The following FBXL7 variants were observed in gnomAD, a reference collection of about 807,000 sequenced individuals.
FBXL7 encodes F-box and leucine rich repeat protein 7.
In FBXL7, 12 loss-of-function variants were observed where a neutral mutation model predicts 38.3. That is an observed-to-expected ratio of 0.31 (90% CI 0.20 to 0.51). The LOEUF (loss-of-function observed/expected upper bound fraction) is 0.51, where lower values mean the gene tolerates loss of function less well. Among genes scored for constraint, FBXL7 ranks in the 20% least tolerant of loss-of-function variants. The pLI, the probability that FBXL7 is intolerant of heterozygous loss-of-function variation, is 0.98. For missense variants in FBXL7, 567 were observed against 676.4 expected, an observed-to-expected ratio of 0.84 and a Z score of 1.79; for synonymous variants, 297 against 300.9, an observed-to-expected ratio of 0.99 and a Z score of 0.13.
rs148460601 is a variant in FBXL7, at chr5:15,537,317, C to T, written c.37+36604C>T. On this transcript the variant is annotated intron_variant, in intron 1 of 3. Transcript: ENST00000504595. ...CATCTGTATATCTTCTTTGGAGGAG[C>T]AGCATTTTTAAGAAGAAGTTTTTGA... is the stretch of plus-strand genomic sequence containing the variant. Among the ~76,000 whole-genome samples, 23 of 152,162 alleles carry T rather than the reference C, an allele frequency of 1.5e-4. 1 individual carries two copies. In the East Asian group the frequency reaches 2.5e-3, roughly 17 times the overall value.
At chr5:15,663,345 C>T (rs1049212911) in intron 2 of FBXL7, among the ~76,000 whole-genome samples, 1 of 152,042 alleles carries the variant, frequency 6.6e-6, no homozygotes, top group Non-Finnish European at 1.5e-5. Flanking sequence ...TTTGTACATA[C>T]ATTTTGTATC....
chr5:15,656,267 G>T (rs1478632507), intron 2 of FBXL7, among the ~76,000 whole-genome samples: 3 of 152,172 alleles, frequency 2.0e-5, no homozygotes, highest in Non-Finnish European at 4.4e-5. Flanking sequence ...GTGAATCATA[G>T]TAATTTATGA....
At chr5:15,616,144 G>A in intron 2 of FBXL7, 72 bp downstream of exon 2, 1 of 1,080,072 alleles carries the variant, frequency 9.3e-7, no homozygotes, top group African/African-American at 1.6e-5. Context: ...GAAATAAAGT[G>A]TGGGAGTGTT....
chr5:15,527,354 A>AT (rs1277093038), intron 1 of FBXL7, among the ~76,000 whole-genome samples: 1 of 152,088 alleles, frequency 6.6e-6, no homozygotes, highest in Non-Finnish European at 1.5e-5. Context: ...TGTGATGGTG[A>AT]TTTTTTTCTT....
intron 2 of FBXL7, among the ~76,000 whole-genome samples, chr5:15,881,652 A>T (rs1245388668): frequency 3.9e-5 from 6 of 152,148 alleles, no homozygotes; most frequent in Non-Finnish European, 7.3e-5. Flanking sequence ...CAATAGTATG[A>T]AAGTGTTCCC....
chr5:15,668,084 C>CCCATACT (rs1192094064), intron 2 of FBXL7, among the ~76,000 whole-genome samples: 1 of 152,164 alleles, frequency 6.6e-6, no homozygotes, highest in Non-Finnish European at 1.5e-5. Flanking sequence ...ACCTTGCCAC[C>CCCATACT]CCATACTGCA....
chr5:15,678,761 T>C (rs961178173), intron 2 of FBXL7, among the ~76,000 whole-genome samples: 1 of 152,188 alleles, frequency 6.6e-6, no homozygotes, highest in Non-Finnish European at 1.5e-5. Flanking sequence ...CATTCTCTCT[T>C]GTCTGCCGCC....
At chr5:15,734,893 C>A (rs1374277109) in intron 2 of FBXL7, among the ~76,000 whole-genome samples, 1 of 152,120 alleles carries the variant, frequency 6.6e-6, no homozygotes, top group African/African-American at 2.4e-5. Context: ...GGCCTTGCCT[C>A]CTTTGTACTC....
chr5:15,565,053 AT>A (rs1294079671), intron 1 of FBXL7, among the ~76,000 whole-genome samples: 1 of 152,142 alleles, frequency 6.6e-6, no homozygotes, highest in Admixed American at 6.6e-5. Context: ...TGCTATTAAA[AT>A]AATAGTAATA....
chr5:15,514,209 A>C (rs1736873258), intron 1 of FBXL7, among the ~76,000 whole-genome samples: 1 of 152,212 alleles, frequency 6.6e-6, no homozygotes, highest in Admixed American at 6.5e-5. Flanking sequence ...CAACTAACTG[A>C]ATAATTGTAT....
intron 2 of FBXL7, among the ~76,000 whole-genome samples, chr5:15,859,318 A>G (rs182580195): frequency 2.0e-5 from 3 of 152,338 alleles, no homozygotes; most frequent in Admixed American, 2.0e-4. Flanking sequence ...AGAGATCCTC[A>G]ACCTAGGGTG....
At chr5:15,618,803 C>T (rs1740532471) in intron 2 of FBXL7, among the ~76,000 whole-genome samples, 1 of 152,190 alleles carries the variant, frequency 6.6e-6, no homozygotes. Context: ...AGCGGCCTAT[C>T]CCGACGGGTC....
At chr5:15,608,788 T>G (rs901397397) in intron 1 of FBXL7, among the ~76,000 whole-genome samples, 5 of 152,152 alleles carry the variant, frequency 3.3e-5, no homozygotes, top group African/African-American at 1.2e-4. Context: ...AACTATTGTG[T>G]GAACAATTCA....
At chr5:15,618,505 C>T (rs1041272545) in intron 2 of FBXL7, among the ~76,000 whole-genome samples, 3 of 151,998 alleles carry the variant, frequency 2.0e-5, no homozygotes, top group Non-Finnish European at 4.4e-5. Context: ...GGGATGTTTG[C>T]GGGATGATTA....
intron 1 of FBXL7, among the ~76,000 whole-genome samples, chr5:15,570,674 C>G (rs941397436): frequency 1.3e-5 from 2 of 152,212 alleles, no homozygotes; most frequent in African/African-American, 4.8e-5. Context: ...CCAGCATTAA[C>G]AGAAGTACCT....
At position 15,938,456 on chromosome 5, in the gene FBXL7, CTATT is replaced by C. The variant is rs1481864930; in HGVS notation, c.*1276_*1279del. The stretch of plus-strand genomic sequence containing the variant: ...CAGATTGCATTTGACCTCTTCTCAT[CTATT>C]TATTTCTTTATACATCCAGACTTCA... On this transcript the variant is annotated 3_prime_UTR_variant, in exon 4 of 4. Transcript: ENST00000504595. The C allele has an allele frequency of 6.6e-6, 1 of 152,184 alleles. No homozygotes were observed. Among genetic ancestry groups the C allele is most frequent in the Non-Finnish European group, 1.5e-5 (1 of 68,056 alleles). 9.4% of individuals were successfully genotyped at this position (152,184 alleles called of 1,614,324 possible).
chr5:15,798,413 T>G (rs1737471928), intron 2 of FBXL7, among the ~76,000 whole-genome samples: 1 of 152,248 alleles, frequency 6.6e-6, no homozygotes, highest in African/African-American at 2.4e-5. Context: ...CTTATGAATC[T>G]GATAGTTCTT....
chr5:15,575,534 T>A (rs1738929607), intron 1 of FBXL7, among the ~76,000 whole-genome samples: 1 of 152,174 alleles, frequency 6.6e-6, no homozygotes, highest in African/African-American at 2.4e-5. Context: ...GGATGGCCAT[T>A]TTATTTTAGA....
intron 2 of FBXL7, among the ~76,000 whole-genome samples, chr5:15,780,609 C>T (rs1736967949): frequency 6.6e-6 from 1 of 152,100 alleles, no homozygotes; most frequent in Non-Finnish European, 1.5e-5. Flanking sequence ...TCAGGGAGTC[C>T]TGTGTGCTTG....
Sources: gnomAD v4.1 joint callset for allele counts (sites outside exome capture counted in the v4.1 genomes callset) on GRCh38, gnomAD v4.1.1 for gene constraint, MANE v1.5 for transcripts, NCBI Gene and HGNC (gene_info 2026-07-23, HGNC 2026-07-21) for gene names.